The following CACNB2 variants were observed in gnomAD, a reference collection of about 807,000 sequenced individuals.
The protein encoded by CACNB2 is calcium voltage-gated channel auxiliary subunit beta 2.
In CACNB2, 42 loss-of-function variants were observed where a neutral mutation model predicts 73.3. The observed-to-expected ratio is 0.57, with a 90% CI of 0.45 to 0.74. The LOEUF (loss-of-function observed/expected upper bound fraction) is 0.74, where lower values mean the gene tolerates loss of function less well. Ranked by LOEUF, CACNB2 falls within the 30% of genes least tolerant of loss-of-function variation. CACNB2 has a pLI of 0.00. For synonymous variants in CACNB2, 348 were observed against 310.3 expected (o/e 1.12, Z -1.28); for missense variants, 940 against 853.0 (o/e 1.10, Z -1.27).
intron 3 of CACNB2, among the ~76,000 whole-genome samples, chr10:18,445,718 G>A (rs1187067948): frequency 2.0e-5 from 3 of 152,154 alleles, no homozygotes; most frequent in Admixed American, 2.0e-4. Flanking sequence ...TTATGACCGG[G>A]GCACCAGGAA....
intron 3 of CACNB2, among the ~76,000 whole-genome samples, chr10:18,464,357 A>G (rs1164304323): frequency 6.9e-6 from 1 of 144,790 alleles, no homozygotes; most frequent in Non-Finnish European, 1.5e-5. Context: ...GGCTGCAGTG[A>G]GCAGTGATCA....
chr10:18,527,449 G>A, intron 9 of CACNB2, 139 bp from the exon 10 acceptor site: 1 of 644,476 alleles, frequency 1.6e-6, no homozygotes, highest in Non-Finnish European at 2.8e-6. Flanking sequence ...AAATGAATAA[G>A]TAAGTATCCT....
intron 2 of CACNB2, among the ~76,000 whole-genome samples, chr10:18,315,601 G>A (rs1241595313): frequency 6.6e-6 from 1 of 150,730 alleles, no homozygotes; most frequent in Non-Finnish European, 1.5e-5. Flanking sequence ...GCCTGAGGTG[G>A]GAGGGTAACT....
At chr10:18,359,734 C>T (rs1015346748) in intron 2 of CACNB2, among the ~76,000 whole-genome samples, 4 of 152,026 alleles carry the variant, frequency 2.6e-5, no homozygotes, top group Non-Finnish European at 5.9e-5. Context: ...GGTATTTCTC[C>T]TAATGCTGTC....
At chr10:18,149,288 G>T (rs2131021974) in intron 1 of CACNB2, among the ~76,000 whole-genome samples, 1 of 152,244 alleles carries the variant, frequency 6.6e-6, no homozygotes, top group South Asian at 2.1e-4. Context: ...AAGAAAAAAA[G>T]TGGTTAAAAG....
At chr10:18,472,940 A>G (rs1203919903) in intron 3 of CACNB2, among the ~76,000 whole-genome samples, 2 of 152,236 alleles carry the variant, frequency 1.3e-5, no homozygotes, top group Non-Finnish European at 2.9e-5. Context: ...CAGCTGCTGA[A>G]AATGATGCAA....
At chr10:18,530,068 T>TATCA (rs776534986) in intron 10 of CACNB2, among the ~76,000 whole-genome samples, 22 of 152,150 alleles carry the variant, frequency 1.4e-4, no homozygotes, top group Non-Finnish European at 2.6e-4. Context: ...ACTCATTCAC[T>TATCA]ATCAGGAGAA....
At chr10:18,467,443 A>G (rs915825812) in intron 3 of CACNB2, among the ~76,000 whole-genome samples, 7 of 152,182 alleles carry the variant, frequency 4.6e-5, no homozygotes, top group African/African-American at 1.7e-4. Context: ...TGGGAAAACA[A>G]TAGGAGGTGG....
At chr10:18,165,420 G>A (rs997306623) in intron 2 of CACNB2, among the ~76,000 whole-genome samples, 1 of 152,212 alleles carries the variant, frequency 6.6e-6, no homozygotes, top group African/African-American at 2.4e-5. Flanking sequence ...TTGGAAGAAG[G>A]CACAGGTTGA....
intron 2 of CACNB2, among the ~76,000 whole-genome samples, chr10:18,319,170 C>T (rs531665950): frequency 6.6e-6 from 1 of 152,248 alleles, no homozygotes; most frequent in Admixed American, 6.5e-5. Context: ...TGGCACTGTT[C>T]ACAATAGCAA....
chr10:18,334,544 C>G (rs937554176), intron 2 of CACNB2, among the ~76,000 whole-genome samples: 1 of 152,128 alleles, frequency 6.6e-6, no homozygotes, highest in Admixed American at 6.6e-5. Context: ...ATAAAGGGCA[C>G]CTTCATTTCT....
intron 2 of CACNB2, among the ~76,000 whole-genome samples, chr10:18,327,651 T>C (rs2040637476): frequency 6.6e-6 from 1 of 152,184 alleles, no homozygotes; most frequent in Admixed American, 6.6e-5. Context: ...CTCAAACTCC[T>C]GACCTCAAAC....
At chr10:18,193,805 CT>C (rs1212217506) in intron 2 of CACNB2, among the ~76,000 whole-genome samples, 3 of 152,160 alleles carry the variant, frequency 2.0e-5, no homozygotes, top group Non-Finnish European at 1.5e-5. Flanking sequence ...TGATTATATG[CT>C]GGGTACTCCT....
intron 3 of CACNB2, among the ~76,000 whole-genome samples, chr10:18,455,689 A>T (rs568528377): frequency 1.3e-5 from 2 of 152,208 alleles, no homozygotes; most frequent in Non-Finnish European, 2.9e-5. Flanking sequence ...TAAGGCACTA[A>T]GGTTCCTTAA....
rs954542630 is a variant in CACNB2 at position 18,176,194 on chromosome 10, C to T, written c.213+25219C>T. 7.9e-5 allele frequency among the ~76,000 whole-genome samples: 12 copies of T among 152,168 alleles called. No homozygotes were observed. In the East Asian group the frequency reaches 2.1e-3, roughly 27 times the overall value. On this transcript the variant is annotated intron_variant, in intron 2 of 13. Coordinates refer to ENST00000324631, the MANE Select transcript of CACNB2 (RefSeq NM_201596.3). Reference sequence around the variant, plus strand: ...CAGTGCATATTTGGCTTTGTACAAACAGGATTAGGACAAGAAAATTACCAG... The same window carrying T: ...CAGTGCATATTTGGCTTTGTACAAATAGGATTAGGACAAGAAAATTACCAG...
chr10:18,406,359 C>A (rs1411232174), intron 3 of CACNB2, among the ~76,000 whole-genome samples: 1 of 152,144 alleles, frequency 6.6e-6, no homozygotes, highest in Admixed American at 6.6e-5. Flanking sequence ...CTGTTAGGAA[C>A]CAGGCTACAC....
chr10:18,283,336 T>C (rs1355557675), intron 2 of CACNB2, among the ~76,000 whole-genome samples: 5 of 152,164 alleles, frequency 3.3e-5, no homozygotes, highest in Admixed American at 6.5e-5. Flanking sequence ...ACCCAAAGGA[T>C]TATACGTCAT....
intron 2 of CACNB2, among the ~76,000 whole-genome samples, chr10:18,292,690 T>C (rs2039116153): frequency 6.6e-6 from 1 of 152,118 alleles, no homozygotes; most frequent in Non-Finnish European, 1.5e-5. Flanking sequence ...AGATTTAAGG[T>C]AGTTTCCTAC....
chr10:18,504,062 G>T (rs2050355098), intron 5 of CACNB2, among the ~76,000 whole-genome samples: 1 of 152,182 alleles, frequency 6.6e-6, no homozygotes, highest in South Asian at 2.1e-4. Context: ...TGAGAAATGA[G>T]AACAACTTCA....
Sources: allele counts gnomAD v4.1 joint callset (sites outside exome capture counted in the v4.1 genomes callset), GRCh38; gene constraint gnomAD v4.1.1; transcripts MANE v1.5; gene names NCBI Gene and HGNC (gene_info 2026-07-23, HGNC 2026-07-21).